The following CDC27 variants were observed in gnomAD, a reference collection of about 807,000 sequenced individuals.
CDC27 encodes cell division cycle 27, also known as cell division cycle protein 27 homolog.
CDC27 carries 27 observed loss-of-function variants against 109.7 expected under a neutral mutation model. The ratio of observed to expected loss-of-function variants is 0.25; its 90% CI spans 0.18 to 0.34. The LOEUF is 0.34. Among genes scored for constraint, CDC27 ranks in the 10% least tolerant of loss-of-function variants. The pLI is 1.00. For synonymous variants in CDC27, 266 were observed against 333.9 expected (o/e 0.80, Z 2.22); for missense variants, 579 against 960.2 (o/e 0.60, Z 5.25).
Position 47,137,314 on chromosome 17 carries a change from T to C in CDC27, c.1751A>G (p.Asp584Gly). 2 of 1,610,372 alleles carry C rather than the reference T, an allele frequency of 1.2e-6. No homozygotes were observed. The highest frequency in any genetic ancestry group is 1.7e-6 in the Non-Finnish European group (2 of 1,178,742). ...GNCFSLQREH[D>G]IAIKFFQRAI... ...TCTCTGGAAGAATTTAATTGCAATATCATGTTCCCGTTGCAGACTGAAACA... is the reference window on the plus strand; with the variant it reads ...TCTCTGGAAGAATTTAATTGCAATACCATGTTCCCGTTGCAGACTGAAACA... The change falls in exon 14 of 19, where the codon GAT becomes GGT. Residue 584 changes from aspartate (D) to glycine (G), a missense_variant. This residue lies in a region of CDC27 where 227 missense variants were observed against 363.6 expected (regional missense o/e 0.62). Coordinates refer to ENST00000066544, the MANE Select transcript of CDC27 (RefSeq NM_001256.6).
intron 16 of CDC27, among the ~76,000 whole-genome samples, chr17:47,128,801 C>T (rs1280395244): frequency 7.0e-6 from 1 of 143,520 alleles, no homozygotes; most frequent in African/African-American, 2.6e-5. Context: ...GATGAAGTCT[C>T]GCTCTGTCGC....
At chr17:47,130,927 T>C (rs568912314) in intron 15 of CDC27, among the ~76,000 whole-genome samples, 5 of 151,770 alleles carry the variant, frequency 3.3e-5, no homozygotes, top group East Asian at 1.9e-4. Context: ...AATGTATGAA[T>C]GTGGCTGCAG....
intron 4 of CDC27, chr17:47,159,993 C>A: frequency 4.2e-6 from 1 of 239,086 alleles, no homozygotes; most frequent in Non-Finnish European, 8.1e-6. Context: ...CTGCTGAAAC[C>A]TCTGCTTCTT....
chr17:47,138,371 T>G (rs2062687300), intron 13 of CDC27, among the ~76,000 whole-genome samples: 1 of 152,220 alleles, frequency 6.6e-6, no homozygotes, highest in Admixed American at 6.5e-5. Flanking sequence ...GATTAGAGCA[T>G]GTACATTAAT....
chr17:47,151,965 G>GTAAATGA lies in CDC27; in HGVS notation c.958-54_958-48dup, dbSNP rs113361962. 2.9e-5 allele frequency: 44 copies of GTAAATGA among 1,526,272 alleles called. No homozygotes were observed. In the African/African-American group the frequency reaches 5.5e-4, roughly 19 times the overall value. The allele number at this position is 1,526,272 out of a possible 1,614,324, so 94.5% of individuals were successfully genotyped here. A position where few individuals can be genotyped will look rare whatever the true frequency, so the allele number is the denominator to read the frequency against. ...AGGTTTGTGAATTATGGGCTGCACT[G>GTAAATGA]TAAATGATAAAAGACAACACAACGC... On this transcript the variant is annotated intron_variant, in intron 8 of 18. Coordinates refer to ENST00000066544, the MANE Select transcript of CDC27 (RefSeq NM_001256.6).
chr17:47,184,591 G>A (rs568832999), intron 1 of CDC27, among the ~76,000 whole-genome samples: 1 of 152,316 alleles, frequency 6.6e-6, no homozygotes, highest in East Asian at 1.9e-4. Flanking sequence ...ATATTCAAGA[G>A]TTGTATCCAT....
At chr17:47,162,533 AAC>A (rs1334387590) in intron 4 of CDC27, among the ~76,000 whole-genome samples, 1 of 152,236 alleles carries the variant, frequency 6.6e-6, no homozygotes, top group African/African-American at 2.4e-5. Flanking sequence ...TGTGATATAA[AAC>A]AGACATTTTT....
At chr17:47,151,966 TA>T (rs776659941) in intron 8 of CDC27, 48 bp from the exon 9 acceptor site, 1 of 1,527,764 alleles carries the variant, frequency 6.5e-7, no homozygotes, top group Admixed American at 2.1e-5. Flanking sequence ...GGCTGCACTG[TA>T]AATGATAAAA....
chr17:47,153,458 A>C (rs1387018763), intron 8 of CDC27, among the ~76,000 whole-genome samples: 2 of 152,180 alleles, frequency 1.3e-5, no homozygotes, highest in Non-Finnish European at 2.9e-5. Context: ...AGTCCCTTTT[A>C]AGTATTCTTG....
intron 12 of CDC27, among the ~76,000 whole-genome samples, 168 bp downstream of exon 12, chr17:47,141,685 A>C (rs2062797832): frequency 6.6e-6 from 1 of 152,222 alleles, no homozygotes; most frequent in African/African-American, 2.4e-5. Flanking sequence ...ACTCCTTAAC[A>C]CAAGAAAGAA....
chr17:47,178,713 C>T (rs1241040966), intron 2 of CDC27, among the ~76,000 whole-genome samples: 1 of 152,030 alleles, frequency 6.6e-6, no homozygotes, highest in African/African-American at 2.4e-5. Context: ...TATTTCTCTT[C>T]TATTTTAAAG....
intron 9 of CDC27, among the ~76,000 whole-genome samples, chr17:47,146,934 G>C (rs531197141): frequency 1.3e-5 from 2 of 151,940 alleles, no homozygotes; most frequent in African/African-American, 4.8e-5. Flanking sequence ...TATGTGGCAC[G>C]TGCCTATAGT....
chr17:47,148,190 C>T (rs529501879), intron 9 of CDC27, among the ~76,000 whole-genome samples: 4 of 146,058 alleles, frequency 2.7e-5, no homozygotes, highest in Admixed American at 2.7e-4. Context: ...CAGAGCGAGA[C>T]TCTATCTCAA....
At chr17:47,144,857 CAT>C (rs2062905837) in intron 9 of CDC27, among the ~76,000 whole-genome samples, 1 of 127,714 alleles carries the variant, frequency 7.8e-6, no homozygotes, top group African/African-American at 2.7e-5. Flanking sequence ...TCTGTATATG[CAT>C]GTGTGTGTAT....
intron 8 of CDC27, 54 bp downstream of exon 8, chr17:47,154,618 A>G: frequency 1.1e-6 from 1 of 917,184 alleles, no homozygotes; most frequent in Non-Finnish European, 1.7e-6. Context: ...TAAAAGATTG[A>G]AATAAACAAG....
At chr17:47,183,221 T>G (rs1464937889) in intron 1 of CDC27, among the ~76,000 whole-genome samples, 1 of 152,192 alleles carries the variant, frequency 6.6e-6, no homozygotes, top group Non-Finnish European at 1.5e-5. Context: ...TATAATTTGT[T>G]GAATGATTTA....
At chr17:47,177,411 T>C (rs1216962556) in intron 2 of CDC27, among the ~76,000 whole-genome samples, 1 of 152,162 alleles carries the variant, frequency 6.6e-6, no homozygotes, top group African/African-American at 2.4e-5. Context: ...ACTCCATCTC[T>C]ACTAAAAATA....
At chr17:47,163,634 T>C (rs939093371) in intron 4 of CDC27, among the ~76,000 whole-genome samples, 2 of 152,232 alleles carry the variant, frequency 1.3e-5, no homozygotes, top group African/African-American at 2.4e-5. Flanking sequence ...TACACACACA[T>C]ACCTTTCTGA....
At chr17:47,133,028 T>TATACATAC (rs1555783886) in intron 14 of CDC27, among the ~76,000 whole-genome samples, 10 of 29,822 alleles carry the variant, frequency 3.4e-4, no homozygotes, top group Admixed American at 5.1e-4. Context: ...TATATATATA[T>TATACATAC]ACACACACAC....
Sources: gnomAD v4.1 joint callset for allele counts (sites outside exome capture counted in the v4.1 genomes callset) on GRCh38, gnomAD v4.1.1 for gene constraint, gnomAD v4.1.1 regional missense constraint, MANE v1.5 for transcripts, NCBI Gene and HGNC (gene_info 2026-07-23, HGNC 2026-07-21) for gene names.